Variants in FGGY observed in about 807,000 individuals in gnomAD.
FGGY encodes FGGY carbohydrate kinase domain-containing protein.
A neutral mutation model predicts 71.3 loss-of-function variants in FGGY; 72 were observed. The ratio of observed to expected loss-of-function variants is 1.01; its 90% CI spans 0.84 to 1.23. The LOEUF is 1.23. FGGY is among the 50% of genes most tolerant of loss of function. FGGY has a pLI of 0.00. For synonymous variants in FGGY, 251 were observed against 250.3 expected (o/e 1.00, Z -0.02); for missense variants, 668 against 682.3 (o/e 0.98, Z 0.23).
At chr1:59,434,086 A>G (rs150055290) in intron 5 of FGGY, among the ~76,000 whole-genome samples, 10 of 152,360 alleles carry the variant, frequency 6.6e-5, no homozygotes, top group African/African-American at 1.2e-4. Flanking sequence ...TTAAAACACA[A>G]TAAGATAATC....
chr1:59,548,466 C>T (rs994403389), intron 7 of FGGY, among the ~76,000 whole-genome samples: 24 of 152,122 alleles, frequency 1.6e-4, no homozygotes, highest in Non-Finnish European at 2.4e-4. Context: ...CCAAATTCTT[C>T]AGATATGGAA....
intron 5 of FGGY, among the ~76,000 whole-genome samples, chr1:59,403,174 G>T (rs564214544): frequency 1.3e-5 from 2 of 152,300 alleles, no homozygotes; most frequent in East Asian, 3.9e-4. Flanking sequence ...TTCTGAAAGC[G>T]TTTGACAAGT....
rs568873779 is a variant in FGGY, at chr1:59,723,565, G to C, written c.1513-34366G>C. On this transcript the variant is annotated intron_variant, in intron 14 of 15. Coordinates refer to ENST00000303721, the MANE Select transcript of FGGY (RefSeq NM_018291.5). ...CTTGGCATTTTCTTGTTTTTTTTTG[G>C]GGGGGGGTGGTTGGGGGTTTTTTTA... 6.1e-5 allele frequency among the ~76,000 whole-genome samples: 9 copies of C among 147,078 alleles called. 1 individual carries two copies. The highest frequency in any genetic ancestry group is 1.3e-4 in the Admixed American group (2 of 14,902).
At chr1:59,720,263 C>T (rs1303605774) in intron 14 of FGGY, among the ~76,000 whole-genome samples, 1 of 152,190 alleles carries the variant, frequency 6.6e-6, no homozygotes, top group Non-Finnish European at 1.5e-5. Flanking sequence ...AAGCAAGTCC[C>T]AGTCATGATC....
rs764177888 is a variant in FGGY, at chr1:59,660,204, C to T, written c.1222-15C>T. 2 of 1,611,454 alleles carry T rather than the reference C, an allele frequency of 1.2e-6. No homozygotes were observed. Among genetic ancestry groups the T allele is most frequent in the Admixed American group, 1.7e-5 (1 of 59,990 alleles). On this transcript the variant is annotated splice_polypyrimidine_tract_variant and intron_variant, in intron 11 of 15. Transcript: ENST00000303721. The stretch of plus-strand genomic sequence containing the variant: ...TTTTGACCATCTTCTTCTTTTCTTC[C>T]CTTCATGCCTGCAGGTCACCGGATT...
At chr1:59,391,528 T>G (rs2060692136) in intron 5 of FGGY, among the ~76,000 whole-genome samples, 1 of 152,192 alleles carries the variant, frequency 6.6e-6, no homozygotes, top group African/African-American at 2.4e-5. Flanking sequence ...CTTCTTTCTC[T>G]TTTCATTAGT....
chr1:59,526,576 G>A (rs1340323743), intron 7 of FGGY, among the ~76,000 whole-genome samples: 1 of 152,184 alleles, frequency 6.6e-6, no homozygotes, highest in Non-Finnish European at 1.5e-5. Flanking sequence ...ATAGGGAATG[G>A]ATCAGCCAGC....
chr1:59,579,798 A>G lies in FGGY; in HGVS notation c.903+25571A>G, dbSNP rs79511530. Among the ~76,000 whole-genome samples, 403 of 152,246 alleles carry G rather than the reference A, an allele frequency of 2.6e-3. 2 individuals are homozygous for G. Among genetic ancestry groups the G allele is most frequent in the Non-Finnish European group, 4.6e-3 (313 of 68,014 alleles). ...GCCTCTTGAAAACTTGCCTCAGATT[A>G]TGTCATTCCTCTGCTCAAAACCTTT... On this transcript the variant is annotated intron_variant, in intron 8 of 15. Coordinates refer to ENST00000303721, the MANE Select transcript of FGGY (RefSeq NM_018291.5).
chr1:59,328,011 G>A (rs2047741120), intron 2 of FGGY, among the ~76,000 whole-genome samples: 2 of 152,328 alleles, frequency 1.3e-5, no homozygotes, highest in East Asian at 3.9e-4. Context: ...AGGCAGAGTA[G>A]ATTTAGCATA....
chr1:59,623,287 A>G (rs553925991), intron 9 of FGGY, among the ~76,000 whole-genome samples: 1 of 152,274 alleles, frequency 6.6e-6, no homozygotes, highest in Middle Eastern at 3.4e-3. Context: ...CTTTGATCTA[A>G]TAAAAGTATA....
intron 6 of FGGY, among the ~76,000 whole-genome samples, chr1:59,505,434 C>G (rs1386960605): frequency 1.3e-5 from 2 of 152,210 alleles, no homozygotes; most frequent in Non-Finnish European, 2.9e-5. Context: ...CTCCAGGACC[C>G]TCTCTGCTGG....
intron 10 of FGGY, among the ~76,000 whole-genome samples, chr1:59,633,889 T>G (rs1211064792): frequency 6.6e-6 from 1 of 152,052 alleles, no homozygotes; most frequent in African/African-American, 2.4e-5. Context: ...CGTCATATGT[T>G]TAATGAACAA....
At chr1:59,585,712 C>T (rs2096273431) in intron 8 of FGGY, among the ~76,000 whole-genome samples, 1 of 152,170 alleles carries the variant, frequency 6.6e-6, no homozygotes, top group South Asian at 2.1e-4. Context: ...GCAAAAGAAA[C>T]TACCATCAGG....
intron 2 of FGGY, among the ~76,000 whole-genome samples, chr1:59,321,955 T>C (rs1459126888): frequency 2.0e-5 from 3 of 152,198 alleles, no homozygotes; most frequent in Non-Finnish European, 4.4e-5. Flanking sequence ...AAAGTAACTA[T>C]AGCTGGAGCT....
intron 4 of FGGY, among the ~76,000 whole-genome samples, chr1:59,355,643 T>C (rs1215005220): frequency 1.3e-5 from 2 of 152,220 alleles, no homozygotes; most frequent in East Asian, 1.9e-4. Flanking sequence ...AGTGACACAG[T>C]GTAACAGCAT....
chr1:59,500,686 A>AG (rs2094197781), intron 6 of FGGY, among the ~76,000 whole-genome samples: 2 of 150,008 alleles, frequency 1.3e-5, no homozygotes, highest in African/African-American at 2.4e-5. Flanking sequence ...AAAAAAAAAA[A>AG]GGAAGAAACA....
chr1:59,314,141 A>G (rs1052919018), intron 1 of FGGY, among the ~76,000 whole-genome samples: 2 of 151,920 alleles, frequency 1.3e-5, no homozygotes, highest in Non-Finnish European at 2.9e-5. Context: ...AATTTTTTGT[A>G]TTTTTAGTAG....
intron 5 of FGGY, among the ~76,000 whole-genome samples, chr1:59,428,739 C>T (rs544736316): frequency 1.3e-5 from 2 of 152,230 alleles, no homozygotes; most frequent in South Asian, 4.1e-4. Flanking sequence ...TTATGTTGCC[C>T]CAAGGTCACG....
chr1:59,332,796 A>G (rs539075265), intron 2 of FGGY, among the ~76,000 whole-genome samples: 15 of 152,250 alleles, frequency 9.9e-5, no homozygotes, highest in Non-Finnish European at 1.9e-4. Flanking sequence ...GAAAGATTTG[A>G]GTCTATCCAA....
Sources: allele counts gnomAD v4.1 joint callset (sites outside exome capture counted in the v4.1 genomes callset), GRCh38; gene constraint gnomAD v4.1.1; transcripts MANE v1.5; gene names NCBI Gene and HGNC (gene_info 2026-07-23, HGNC 2026-07-21).